Variants in AFF3 observed in about 807,000 individuals in gnomAD.
AFF3 encodes AF4/FMR2 family member 3.
Under a neutral mutation model 129.7 loss-of-function variants are expected in AFF3, and 32 were observed. The observed-to-expected ratio is 0.25, with a 90% CI of 0.19 to 0.33. The LOEUF (loss-of-function observed/expected upper bound fraction) is 0.33, where lower values mean the gene tolerates loss of function less well. AFF3 is among the 10% of genes least tolerant of loss of function. The pLI is 1.00. For missense variants in AFF3, 1,373 were observed against 1,592.0 expected (o/e 0.86, Z 2.34); for synonymous variants, 644 against 635.4 (o/e 1.01, Z -0.20).
At chr2:99,776,815 G>T (rs1386581028) in intron 8 of AFF3, among the ~76,000 whole-genome samples, 3 of 152,180 alleles carry the variant, frequency 2.0e-5, no homozygotes, top group African/African-American at 7.2e-5. Context: ...GCCAAAATTT[G>T]TAAGGGCTCG....
In AFF3 at chr2:99,548,475, C is replaced by A; in HGVS notation, c.*2999G>T. ...TTGAAACAAAACTAAACAGGCCAGG[C>A]ATGGTGGCTCATGCACTTTGGGAGG... On this transcript the variant is annotated 3_prime_UTR_variant, in exon 25 of 25. Coordinates refer to ENST00000672756, the MANE Select transcript of AFF3 (RefSeq NM_001386135.1). 1 of 197,622 alleles carries A rather than the reference C, an allele frequency of 5.1e-6. No homozygotes were observed. The highest frequency in any genetic ancestry group is 1.0e-5 in the Non-Finnish European group (1 of 95,316). The allele number at this position is 197,622 out of a possible 1,614,324, so 12.2% of individuals were successfully genotyped here.
chr2:100,085,225 A>G (rs1490046817), intron 4 of AFF3, among the ~76,000 whole-genome samples: 2 of 142,820 alleles, frequency 1.4e-5, no homozygotes, highest in African/African-American at 5.2e-5. Context: ...AAATGTCTTT[A>G]GCAGAAATAT....
chr2:99,651,145 C>G (rs968440633), intron 12 of AFF3, among the ~76,000 whole-genome samples: 21 of 148,362 alleles, frequency 1.4e-4, no homozygotes, highest in African/African-American at 5.2e-4. Flanking sequence ...TGTACTCCAG[C>G]CTGGGCAACA....
At chr2:99,589,397 A>ATTTTTT (rs55888825) in intron 15 of AFF3, among the ~76,000 whole-genome samples, 21 of 103,384 alleles carry the variant, frequency 2.0e-4, no homozygotes, top group Admixed American at 2.5e-4. Context: ...AGATGTCAAC[A>ATTTTTT]TTTTTTTTTT....
At chr2:99,551,633 T>G in intron 24 of AFF3, 38 bp from the exon 25 acceptor site, 1 of 1,613,184 alleles carries the variant, frequency 6.2e-7, no homozygotes. Flanking sequence ...ATGCCACACA[T>G]GCTAGGTGTG....
intron 22 of AFF3, among the ~76,000 whole-genome samples, chr2:99,556,324 A>T (rs1201337707): frequency 6.6e-6 from 1 of 152,182 alleles, no homozygotes; most frequent in African/African-American, 2.4e-5. Flanking sequence ...ACACGCCTGT[A>T]ATCCCAACTA....
At chr2:99,902,561 T>G (rs1694424995) in intron 7 of AFF3, among the ~76,000 whole-genome samples, 1 of 152,166 alleles carries the variant, frequency 6.6e-6, no homozygotes, top group African/African-American at 2.4e-5. Flanking sequence ...TAAAGTAGCA[T>G]GCAAACTCAG....
intron 10 of AFF3, among the ~76,000 whole-genome samples, chr2:99,737,744 T>G (rs1299253461): frequency 6.6e-6 from 1 of 151,898 alleles, no homozygotes; most frequent in Non-Finnish European, 1.5e-5. Context: ...TTCAGTACTG[T>G]CTCGCTTCCC....
intron 2 of AFF3, among the ~76,000 whole-genome samples, chr2:100,114,066 A>C (rs1486049591): frequency 6.6e-6 from 1 of 152,210 alleles, no homozygotes; most frequent in African/African-American, 2.4e-5. Flanking sequence ...TAAAGCAGCT[A>C]GTGAACACCC....
chr2:100,041,992 G>A (rs140166587), intron 4 of AFF3, among the ~76,000 whole-genome samples: 238 of 152,036 alleles, frequency 1.6e-3, no homozygotes, highest in African/African-American at 5.0e-3. Flanking sequence ...TACTATAAAC[G>A]TTTATCCAAC....
Position 100,006,635 on chromosome 2 carries a change from C to A in AFF3, c.870G>T (p.Gly290=), listed in dbSNP as rs1322225719. ...KLSKFSIPKQ[G]EESRSGETNS... ...AACGGTGCTGATAAAGACTCACCTCCCCCTGCTTGGGGATGCTGAACTTGG... is the reference window on the plus strand; with the variant it reads ...AACGGTGCTGATAAAGACTCACCTCACCCTGCTTGGGGATGCTGAACTTGG... The change falls in exon 7 of 25, where the codon GGG becomes GGT. Residue 290 remains glycine (G), a synonymous_variant. Coordinates refer to ENST00000672756, the MANE Select transcript of AFF3 (RefSeq NM_001386135.1). 2 of 1,604,618 alleles carry A rather than the reference C, an allele frequency of 1.2e-6. No homozygotes were observed. Among genetic ancestry groups the A allele is most frequent in the South Asian group, 1.1e-5 (1 of 90,878 alleles).
intron 4 of AFF3, among the ~76,000 whole-genome samples, chr2:100,056,968 T>C (rs1008539648): frequency 1.3e-5 from 2 of 152,088 alleles, no homozygotes; most frequent in Admixed American, 6.6e-5. Flanking sequence ...CTCCACAGGG[T>C]TCATGGGCTC....
At chr2:99,814,687 T>TA (rs1343962908) in intron 8 of AFF3, among the ~76,000 whole-genome samples, 1 of 151,902 alleles carries the variant, frequency 6.6e-6, no homozygotes, top group Non-Finnish European at 1.5e-5. Context: ...GGGCCCCAGC[T>TA]AAAAAATAAA....
chr2:99,717,851 T>G (rs910921947), intron 11 of AFF3, among the ~76,000 whole-genome samples: 7 of 152,242 alleles, frequency 4.6e-5, no homozygotes, highest in Non-Finnish European at 7.3e-5. Context: ...TATTGAGATC[T>G]GTGCTCCCTC....
intron 9 of AFF3, among the ~76,000 whole-genome samples, chr2:99,744,929 T>A (rs1453257835): frequency 6.6e-6 from 1 of 152,192 alleles, no homozygotes; most frequent in African/African-American, 2.4e-5. Flanking sequence ...GTTATATAAC[T>A]CTATGTTAAA....
intron 7 of AFF3, among the ~76,000 whole-genome samples, chr2:99,930,625 C>T (rs1696603474): frequency 6.6e-6 from 1 of 152,146 alleles, no homozygotes; most frequent in African/African-American, 2.4e-5. Flanking sequence ...ACAAACCAGG[C>T]TTCTGATCAA....
chr2:100,132,443 AGTT>A (rs756478255), intron 1 of AFF3, among the ~76,000 whole-genome samples: 7 of 152,374 alleles, frequency 4.6e-5, no homozygotes, highest in Middle Eastern at 6.8e-3. Flanking sequence ...CAAAGAATGT[AGTT>A]AAGTCTTTTT....
At chr2:99,597,369 T>G (rs1422818867) in intron 14 of AFF3, among the ~76,000 whole-genome samples, 2 of 152,232 alleles carry the variant, frequency 1.3e-5, no homozygotes, top group Non-Finnish European at 1.5e-5. Context: ...TCAATTGCGT[T>G]GTCTTTTGAT....
chr2:100,075,021 T>C (rs1470906504), intron 4 of AFF3, among the ~76,000 whole-genome samples: 2 of 152,170 alleles, frequency 1.3e-5, no homozygotes, highest in African/African-American at 4.8e-5. Flanking sequence ...TGTACTTAGA[T>C]GACAATGAGT....
Sources: gnomAD v4.1 joint callset for allele counts (sites outside exome capture counted in the v4.1 genomes callset) on GRCh38, gnomAD v4.1.1 for gene constraint, MANE v1.5 for transcripts, NCBI Gene and HGNC (gene_info 2026-07-23, HGNC 2026-07-21) for gene names.